PRKG1: variants seen among roughly 807,000 people sequenced by gnomAD.
PRKG1 encodes cGMP-dependent protein kinase 1.
Under a neutral mutation model 88.1 loss-of-function variants are expected in PRKG1, and 35 were observed. The observed-to-expected ratio is 0.40, with a 90% confidence interval of 0.30 to 0.53. The LOEUF (loss-of-function observed/expected upper bound fraction) is 0.53. PRKG1 is among the 20% of genes least tolerant of loss of function. The pLI is 0.59. For synonymous variants in PRKG1, 303 were observed against 292.5 expected (o/e 1.04, Z -0.37); for missense variants, 540 against 839.8 (o/e 0.64, Z 4.41).
At chr10:51,758,256 A>C (rs1398189317) in intron 3 of PRKG1, among the ~76,000 whole-genome samples, 1 of 152,226 alleles carries the variant, frequency 6.6e-6, no homozygotes, top group Non-Finnish European at 1.5e-5. Context: ...TAAAATTGAC[A>C]GTTCTTCTAA....
chr10:51,490,766 A>G (rs1200991645), intron 3 of PRKG1, among the ~76,000 whole-genome samples: 1 of 152,116 alleles, frequency 6.6e-6, no homozygotes, highest in African/African-American at 2.4e-5. Context: ...TGTGAATATA[A>G]GGTGATATAG....
At chr10:51,022,262 A>T (rs1485729962) in intron 1 of PRKG1, among the ~76,000 whole-genome samples, 1 of 152,154 alleles carries the variant, frequency 6.6e-6, no homozygotes, top group African/African-American at 2.4e-5. Context: ...TGGGGGCCTC[A>T]GGTCTGTTGG....
intron 12 of PRKG1, among the ~76,000 whole-genome samples, chr10:52,276,796 A>T (rs1478879656): frequency 1.3e-5 from 2 of 152,084 alleles, no homozygotes; most frequent in African/African-American, 4.8e-5. Context: ...TCTAATAGTA[A>T]TTTTTCATTG....
chr10:51,769,631 A>T (rs1838252175), intron 3 of PRKG1, among the ~76,000 whole-genome samples: 1 of 152,202 alleles, frequency 6.6e-6, no homozygotes, highest in Admixed American at 6.6e-5. Flanking sequence ...TTGTGATGTC[A>T]ATTTTTCTAC....
At chr10:51,410,258 G>GTGTGTA (rs752171833) in intron 2 of PRKG1, among the ~76,000 whole-genome samples, 44 of 145,530 alleles carry the variant, frequency 3.0e-4, no homozygotes, top group African/African-American at 1.2e-3. Context: ...GTGTGTGTGT[G>GTGTGTA]TATATATATA....
At chr10:52,246,309 C>T (rs527612190) in intron 9 of PRKG1, among the ~76,000 whole-genome samples, 5 of 152,054 alleles carry the variant, frequency 3.3e-5, no homozygotes, top group Non-Finnish European at 5.9e-5. Flanking sequence ...TGACTATTAT[C>T]TATTTTCCAA....
intron 3 of PRKG1, among the ~76,000 whole-genome samples, chr10:51,612,555 G>T (rs1838939088): frequency 6.6e-6 from 1 of 151,880 alleles, no homozygotes; most frequent in Non-Finnish European, 1.5e-5. Context: ...TATATATAAA[G>T]TGTGTCATTT....
chr10:51,607,294 G>C (rs977152111), intron 3 of PRKG1, among the ~76,000 whole-genome samples: 1 of 152,184 alleles, frequency 6.6e-6, no homozygotes, highest in Non-Finnish European at 1.5e-5. Context: ...GTCCAATCCA[G>C]AACAGGGCTG....
In PRKG1 at chr10:51,677,340, A is replaced by G. The variant is rs1421828938; in HGVS notation, c.593-127245A>G. Among the ~76,000 whole-genome samples the G allele has an allele frequency of 2.0e-5, 3 of 152,154 alleles. No individual in the cohort carries two copies. In the East Asian group the frequency reaches 5.8e-4, roughly 29 times the overall value. On this transcript the variant is annotated intron_variant, in intron 3 of 17. Coordinates refer to ENST00000373980, the MANE Select transcript of PRKG1 (RefSeq NM_006258.4). ...GTACCTTTCTTGTATTCAATAATGCACACACTCTTGTTTGTTATACCTCTT... is the reference window on the plus strand; with the variant it reads ...GTACCTTTCTTGTATTCAATAATGCGCACACTCTTGTTTGTTATACCTCTT...
At chr10:52,278,818 A>G (rs1841934449) in intron 12 of PRKG1, among the ~76,000 whole-genome samples, 1 of 151,170 alleles carries the variant, frequency 6.6e-6, no homozygotes, top group South Asian at 2.1e-4. Flanking sequence ...CAGGAGGATC[A>G]CTTGAACCCA....
chr10:51,360,639 C>T (rs1048155867), intron 2 of PRKG1, among the ~76,000 whole-genome samples: 1 of 151,880 alleles, frequency 6.6e-6, no homozygotes, highest in African/African-American at 2.4e-5. Context: ...AAATTCCCTG[C>T]AGAGTACATA....
intron 2 of PRKG1, among the ~76,000 whole-genome samples, chr10:51,368,885 G>C (rs750253086): frequency 2.0e-5 from 3 of 152,088 alleles, no homozygotes; most frequent in African/African-American, 7.2e-5. Flanking sequence ...TAGTCTCCAA[G>C]AATGAGGTAT....
chr10:52,154,181 T>G (rs1238481894), intron 8 of PRKG1, among the ~76,000 whole-genome samples: 1 of 152,244 alleles, frequency 6.6e-6, no homozygotes, highest in African/African-American at 2.4e-5. Flanking sequence ...AAATAGATTC[T>G]GAATTTATAT....
rs1359772169 is a variant in PRKG1, at chr10:51,420,097, C to T, written c.479-47626C>T. On this transcript the variant is annotated intron_variant, in intron 2 of 17. Transcript: ENST00000373980. ...GTAAAGTCACTGTTTTTATGTCTGG[C>T]ATTGGCTTGGGTTGTTTGCCAAATG... 2.0e-5 allele frequency among the ~76,000 whole-genome samples: 3 copies of T among 152,062 alleles called. No homozygotes were observed. The East Asian group carries it at 5.8e-4, about 29-fold the overall frequency.
At chr10:51,541,873 T>G (rs189126649) in intron 3 of PRKG1, among the ~76,000 whole-genome samples, 1 of 152,308 alleles carries the variant, frequency 6.6e-6, no homozygotes, top group African/African-American at 2.4e-5. Flanking sequence ...ATAATGTGCC[T>G]TATAAATGTA....
intron 1 of PRKG1, among the ~76,000 whole-genome samples, chr10:51,075,782 T>C (rs1184901612): frequency 6.6e-6 from 1 of 152,220 alleles, no homozygotes; most frequent in Non-Finnish European, 1.5e-5. Flanking sequence ...TTAGTGGGCT[T>C]CATAACTTGG....
rs776749348 is a variant in PRKG1 at position 52,251,680 on chromosome 10, C to T, written c.1173+14C>T. 1 of 1,590,470 alleles carries T rather than the reference C, an allele frequency of 6.3e-7. No homozygotes were observed. Among genetic ancestry groups the T allele is most frequent in the Non-Finnish European group, 8.6e-7 (1 of 1,159,226 alleles). ...CGAGTAGAACTGGTAGGTGATTGTT[C>T]TTTAAATGCTTTTGATCGCCTCTGC... On this transcript the variant is annotated intron_variant, in intron 10 of 17. Coordinates refer to ENST00000373980, the MANE Select transcript of PRKG1 (RefSeq NM_006258.4).
At chr10:51,422,359 G>A (rs375367639) in intron 2 of PRKG1, among the ~76,000 whole-genome samples, 54 of 152,354 alleles carry the variant, frequency 3.5e-4, no homozygotes, top group South Asian at 2.7e-3. Context: ...AGTCCTAGAC[G>A]TTTAGCATGA....
At chr10:52,164,882 A>G (rs980518500) in intron 9 of PRKG1, among the ~76,000 whole-genome samples, 4 of 152,152 alleles carry the variant, frequency 2.6e-5, no homozygotes. Context: ...ACCACCTCAC[A>G]TAGTTACTTT....
Sources: gnomAD v4.1 joint callset for allele counts (sites outside exome capture counted in the v4.1 genomes callset) on GRCh38, gnomAD v4.1.1 for gene constraint, MANE v1.5 for transcripts, NCBI Gene and HGNC (gene_info 2026-07-23, HGNC 2026-07-21) for gene names.